SPOCK3: variants seen among roughly 807,000 people sequenced by gnomAD.
The protein encoded by SPOCK3 is testican-3.
Under a neutral mutation model 56.6 loss-of-function variants are expected in SPOCK3, and 30 were observed. The ratio of observed to expected loss-of-function variants is 0.53; its 90% CI spans 0.40 to 0.72. The LOEUF (loss-of-function observed/expected upper bound fraction) is 0.72. SPOCK3 is among the 30% of genes least tolerant of loss of function. The pLI is 0.00. For synonymous variants in SPOCK3, 196 were observed against 183.3 expected, an observed-to-expected ratio of 1.07 and a Z score of -0.56; for missense variants, 527 against 530.0, an observed-to-expected ratio of 0.99 and a Z score of 0.06.
chr4:166,879,768 T>C (rs1273620905), intron 6 of SPOCK3, among the ~76,000 whole-genome samples: 3 of 152,190 alleles, frequency 2.0e-5, no homozygotes, highest in Non-Finnish European at 4.4e-5. Context: ...ATATCTCTTG[T>C]TGGATTTTAA....
chr4:166,797,836 A>T (rs1167162862), intron 6 of SPOCK3, among the ~76,000 whole-genome samples: 1 of 152,204 alleles, frequency 6.6e-6, no homozygotes, highest in Non-Finnish European at 1.5e-5. Context: ...ATAATGTTAG[A>T]TAAACAATAT....
intron 6 of SPOCK3, among the ~76,000 whole-genome samples, chr4:166,795,388 G>T (rs538456774): frequency 1.7e-4 from 26 of 152,166 alleles, no homozygotes; most frequent in African/African-American, 5.8e-4. Flanking sequence ...TTGATGGAGA[G>T]ATTTCAGGAA....
intron 2 of SPOCK3, among the ~76,000 whole-genome samples, chr4:167,073,366 T>A (rs1756874247): frequency 6.6e-6 from 1 of 151,818 alleles, no homozygotes; most frequent in South Asian, 2.1e-4. Flanking sequence ...CTAAATACTG[T>A]ATAAAATAAA....
intron 5 of SPOCK3, among the ~76,000 whole-genome samples, chr4:166,896,320 GC>G (rs1214067462): frequency 6.6e-6 from 1 of 151,976 alleles, no homozygotes; most frequent in African/African-American, 2.4e-5. Context: ...TTTGTGCCCT[GC>G]CCCCACCCAT....
At chr4:166,878,204 G>C (rs1262509390) in intron 6 of SPOCK3, among the ~76,000 whole-genome samples, 1 of 152,054 alleles carries the variant, frequency 6.6e-6, no homozygotes, top group Non-Finnish European at 1.5e-5. Flanking sequence ...GCTTGAACCC[G>C]GGTGGCGAAG....
rs556460658 is a variant in SPOCK3 at position 167,098,093 on chromosome 4, C to T, written c.190-35556G>A. 3.3e-5 allele frequency among the ~76,000 whole-genome samples: 5 copies of T among 152,038 alleles called. No individual in the cohort carries two copies. The South Asian group carries it at 6.2e-4, about 19-fold the overall frequency. On this transcript the variant is annotated intron_variant, in intron 2 of 10. Coordinates refer to ENST00000357545, the MANE Select transcript of SPOCK3 (RefSeq NM_001040159.2). ...ACAGAAAACCTAGAGTATCTATTAG[C>T]GGCAGGAATGCCTTTATCCCAGACC...
chr4:167,032,669 A>T lies in SPOCK3; in HGVS notation c.235+29823T>A, dbSNP rs918878667. ...CTAAAATACCCGAGCTTTATAAAAA[A>T]AAGAAAATACTGCATTCTACTAAGA... On this transcript the variant is annotated intron_variant, in intron 3 of 10. Coordinates refer to ENST00000357545, the MANE Select transcript of SPOCK3 (RefSeq NM_001040159.2). Among the ~76,000 whole-genome samples, 32 of 152,084 alleles carry T rather than the reference A, an allele frequency of 2.1e-4. 1 individual carries two copies. Among genetic ancestry groups the T allele is most frequent in the Admixed American group, 2.0e-3 (31 of 15,244 alleles).
At chr4:167,224,686 A>T (rs1231292911) in intron 2 of SPOCK3, among the ~76,000 whole-genome samples, 1 of 152,142 alleles carries the variant, frequency 6.6e-6, no homozygotes, top group Admixed American at 6.5e-5. Flanking sequence ...TTTAAGACTG[A>T]GTCTTGCTCT....
chr4:166,952,959 T>G (rs1424685488), intron 4 of SPOCK3, among the ~76,000 whole-genome samples: 2 of 150,828 alleles, frequency 1.3e-5, no homozygotes, highest in Non-Finnish European at 2.9e-5. Context: ...ACTTAAACGT[T>G]AGACCTAAAA....
At chr4:167,163,930 T>C (rs1307009525) in intron 2 of SPOCK3, among the ~76,000 whole-genome samples, 3 of 152,128 alleles carry the variant, frequency 2.0e-5, no homozygotes, top group African/African-American at 7.2e-5. Context: ...TTATAGCTTA[T>C]CAATTATAGT....
chr4:166,767,386 T>C (rs201133376), intron 7 of SPOCK3, among the ~76,000 whole-genome samples: 2 of 151,650 alleles, frequency 1.3e-5, no homozygotes, highest in African/African-American at 4.8e-5. Flanking sequence ...CTGGTATGTT[T>C]TGTCTTTGTT....
chr4:167,211,004 T>A (rs1734818204), intron 2 of SPOCK3, among the ~76,000 whole-genome samples: 1 of 152,202 alleles, frequency 6.6e-6, no homozygotes, highest in African/African-American at 2.4e-5. Flanking sequence ...TTTTTTAAAG[T>A]TCAACTTAAG....
chr4:166,738,270 T>C (rs1024121824), intron 9 of SPOCK3, among the ~76,000 whole-genome samples: 1 of 152,004 alleles, frequency 6.6e-6, no homozygotes, highest in Admixed American at 6.6e-5. Flanking sequence ...TGTCCTTGCA[T>C]ACTTTCACCA....
intron 4 of SPOCK3, among the ~76,000 whole-genome samples, chr4:166,931,127 G>A (rs951165379): frequency 7.9e-5 from 12 of 152,186 alleles, no homozygotes; most frequent in East Asian, 5.8e-4. Flanking sequence ...GATGACAGGC[G>A]CCCGCCACCA....
At chr4:166,764,282 C>T (rs928306337) in intron 7 of SPOCK3, among the ~76,000 whole-genome samples, 12 of 152,086 alleles carry the variant, frequency 7.9e-5, no homozygotes, top group South Asian at 2.1e-4. Context: ...TGTTGGTGTG[C>T]GGCACCCATT....
At chr4:166,930,146 A>G (rs1739572284) in intron 4 of SPOCK3, among the ~76,000 whole-genome samples, 2 of 152,132 alleles carry the variant, frequency 1.3e-5, no homozygotes, top group Non-Finnish European at 1.5e-5. Flanking sequence ...GACTTTGTTT[A>G]TAAAAAAATG....
At chr4:166,806,728 G>A (rs1743203593) in intron 6 of SPOCK3, among the ~76,000 whole-genome samples, 1 of 151,874 alleles carries the variant, frequency 6.6e-6, no homozygotes, top group South Asian at 2.1e-4. Context: ...TTGTCTTAAA[G>A]TATACATCCC....
chr4:166,734,195 T>C lies in SPOCK3; in HGVS notation c.*726A>G, dbSNP rs965790825. On this transcript the variant is annotated 3_prime_UTR_variant, in exon 11 of 11. Coordinates refer to ENST00000357545, the MANE Select transcript of SPOCK3 (RefSeq NM_001040159.2). Reference sequence around the variant, plus strand: ...AAAGAAATCTAGAAAGGCAAACAAATCATGTTATTAAAGAATCTTTTAAAA... The same window carrying C: ...AAAGAAATCTAGAAAGGCAAACAAACCATGTTATTAAAGAATCTTTTAAAA... 6.6e-6 allele frequency: 1 copy of C among 151,860 alleles called. No individual in the cohort carries two copies. Among genetic ancestry groups the C allele is most frequent in the Admixed American group, 6.6e-5 (1 of 15,182 alleles). The allele number at this position is 151,860 out of a possible 1,614,324, so 9.4% of individuals were successfully genotyped here.
chr4:166,843,552 G>A (rs1323925096), intron 6 of SPOCK3, among the ~76,000 whole-genome samples: 2 of 152,180 alleles, frequency 1.3e-5, no homozygotes, highest in Non-Finnish European at 2.9e-5. Context: ...AAGCCACCAT[G>A]AATCTTGTAG....
Sources: gnomAD v4.1 joint callset for allele counts (sites outside exome capture counted in the v4.1 genomes callset) on GRCh38, gnomAD v4.1.1 for gene constraint, MANE v1.5 for transcripts, NCBI Gene and HGNC (gene_info 2026-07-23, HGNC 2026-07-21) for gene names.